Variants in GBP5 observed in about 807,000 individuals in gnomAD.
GBP5 encodes the protein guanylate-binding protein 5.
Under a neutral mutation model 58.2 loss-of-function variants are expected in GBP5, and 48 were observed. The observed-to-expected ratio is 0.83, with a 90% CI of 0.65 to 1.05. GBP5 has a LOEUF of 1.05. GBP5 is among the 50% of genes least tolerant of loss of function. The pLI, the probability that GBP5 is intolerant of heterozygous loss-of-function variation, is 0.00. For missense variants in GBP5, 714 were observed against 686.8 expected, an observed-to-expected ratio of 1.04 and a Z score of -0.44; for synonymous variants, 248 against 251.8, an observed-to-expected ratio of 0.98 and a Z score of 0.14.
At chr1:89,263,983 A>G (rs199841428) in intron 8 of GBP5, 35 bp from the exon 9 acceptor site, 128 of 1,205,890 alleles carry the variant, frequency 1.1e-4, no homozygotes, top group East Asian at 1.0e-3. Flanking sequence ...AAAAGATGTT[A>G]GCAATACTTC....
chr1:89,271,747 T>C (rs1650462040), intron 1 of GBP5: 1 of 152,170 alleles, frequency 6.6e-6, no homozygotes, highest in Non-Finnish European at 1.5e-5. Context: ...AAGGAGAGAA[T>C]TTCAACGAGT....
chr1:89,263,750 G>T lies in GBP5; in HGVS notation c.1348C>A (p.Arg450=). ...ELKAKYYREP[R]KGIQAEEVLQ... is the part of the protein sequence containing the mutation. Reference sequence around the variant, plus strand: ...ACTAGGGATACCTGTATTCCTTTCCGAGGCTCCCGATAGTACTTTGCCTTC... The same window carrying T: ...ACTAGGGATACCTGTATTCCTTTCCTAGGCTCCCGATAGTACTTTGCCTTC... Residue 450 remains arginine, a synonymous_variant, in exon 9 of 12, where the codon CGG becomes AGG. Transcript: ENST00000370459. 2 of 1,612,504 alleles carry T rather than the reference G, an allele frequency of 1.2e-6. No individual in the cohort carries two copies. The highest frequency in any genetic ancestry group is 1.7e-6 in the Non-Finnish European group (2 of 1,178,842).
Position 89,259,283 on chromosome 1 carries a change from T to C in GBP5, c.*1421A>G. 6.6e-6 allele frequency: 1 copy of C among 152,208 alleles called. No homozygotes were observed. The highest frequency in any genetic ancestry group is 1.9e-4 in the East Asian group (1 of 5,198). The allele number at this position is 152,208 out of a possible 1,614,324, so 9.4% of individuals were successfully genotyped here. ...GAGGGTGAACAGAAAAGAAAAGGCT[T>C]CTTCTTTAGCCCTTAAGCCTATGAC... On this transcript the variant is annotated 3_prime_UTR_variant, in exon 12 of 12. Transcript: ENST00000370459.
intron 1 of GBP5, chr1:89,271,567 T>G (rs149536435): frequency 2.6e-4 from 40 of 152,310 alleles, no homozygotes; most frequent in African/African-American, 9.1e-4. Flanking sequence ...TGATTCTAGT[T>G]TGGGTTTTGC....
At position 89,265,583 on chromosome 1, in the gene GBP5, C is replaced by T. The variant is rs189821951; in HGVS notation, c.869-617G>A. On this transcript the variant is annotated intron_variant, in intron 7 of 11. Coordinates refer to ENST00000370459, the MANE Select transcript of GBP5 (RefSeq NM_052942.5). ...CTCTACTAAAAATACAAAAAATTAG[C>T]CAGGTGTGGTGGCGGGTGCCTGTAG... Among the ~76,000 whole-genome samples the T allele has an allele frequency of 1.5e-4, 23 of 151,622 alleles. 1 individual carries two copies. In the East Asian group the frequency reaches 4.1e-3, roughly 27 times the overall value.
Position 89,269,433 on chromosome 1 carries a change from T to A in GBP5, c.123A>T (p.Val41=). Residue 41 remains valine, a synonymous_variant, in exon 3 of 12, where the codon GTA becomes GTT. Coordinates refer to ENST00000370459, the MANE Select transcript of GBP5 (RefSeq NM_052942.5). The part of the protein sequence containing the change: ...LSAITQPVVV[V]AIVGLYRTGK... Reference sequence around the variant, plus strand: ...CAGTGCGATAGAGGCCCACAATCGCTACCACAACTACAGGTTGCGTAATGG... The same window carrying A: ...CAGTGCGATAGAGGCCCACAATCGCAACCACAACTACAGGTTGCGTAATGG... The A allele has an allele frequency of 6.2e-7, 1 of 1,614,136 alleles. No homozygotes were observed. The highest frequency in any genetic ancestry group is 1.7e-5 in the Admixed American group (1 of 60,010).
At position 89,263,832 on chromosome 1, in the gene GBP5, C is replaced by G; in HGVS notation, c.1266G>C (p.Gln422His). The stretch of plus-strand genomic sequence containing the variant: ...GGCCTCCTGGCTTAGAATAAATTCC[C>G]TGCTTCACTGCTTCTTCTAGAGGAC... ...IFGPLEEAVK[Q>H]GIYSKPGGHN... is the part of the protein sequence containing the mutation. Residue 422 changes from glutamine to histidine, a missense_variant, in exon 9 of 12, where the codon CAG becomes CAC. By Grantham distance (24) the Gln-to-His change is conservative. Coordinates refer to ENST00000370459, the MANE Select transcript of GBP5 (RefSeq NM_052942.5). 6.2e-7 allele frequency: 1 copy of G among 1,613,136 alleles called. No individual in the cohort carries two copies. The highest frequency in any genetic ancestry group is 8.5e-7 in the Non-Finnish European group (1 of 1,179,448).
rs1270500424 is a variant in GBP5, at chr1:89,264,924, C to T, written c.911G>A (p.Ser304Asn). The T allele has an allele frequency of 6.2e-7, 1 of 1,614,246 alleles. No individual in the cohort carries two copies. Among genetic ancestry groups the T allele is most frequent in the South Asian group, 1.1e-5 (1 of 91,090 alleles). The change falls in exon 8 of 12, where the codon AGT (serine) becomes AAT (asparagine). Residue 304 changes from serine (S) to asparagine (N), a missense_variant. Transcript: ENST00000370459. ...ATTCTCTATGCAAGGCAGATCCCCA[C>T]TGCTGATGGCATTGACATAGGTCAG... is the stretch of plus-strand genomic sequence containing the variant. ...LVLTYVNAISSGDLPCIENAV... is the reference protein window; with the variant it reads ...LVLTYVNAISNGDLPCIENAV...
At position 89,259,647 on chromosome 1, in the gene GBP5, C is replaced by T. The variant is rs1373879147; in HGVS notation, c.*1057G>A. ...TAACAAGCCCCCTCCCCTAGCTGCC[C>T]TGCAGCTTATTTTTCGTCCAAAAGG... On this transcript the variant is annotated 3_prime_UTR_variant, in exon 12 of 12. Transcript: ENST00000370459. 6.6e-6 allele frequency: 1 copy of T among 152,022 alleles called. No homozygotes were observed. Among genetic ancestry groups the T allele is most frequent in the Non-Finnish European group, 1.5e-5 (1 of 68,070 alleles). The allele number at this position is 152,022 out of a possible 1,614,324, so 9.4% of individuals were successfully genotyped here.
rs1463198595 is a variant in GBP5 at position 89,262,697 on chromosome 1, T to C, written c.1451A>G (p.Glu484Gly). ...LQTDQALTETEKKKKEAQVKA... is the reference protein window; with the variant it reads ...LQTDQALTETGKKKKEAQVKA... ...TTTCTTCTCACCTTTCTTCTTTTTT[T>C]CCGTCTCTGTGAGAGCCTGGTCAGT... The change falls in exon 10 of 12, where the codon GAA becomes GGA. Residue 484 changes from glutamate (E) to glycine (G), a missense_variant. Physicochemically the swap from Glu to Gly is moderately conservative, Grantham distance 98. Coordinates refer to ENST00000370459, the MANE Select transcript of GBP5 (RefSeq NM_052942.5). 1.2e-6 allele frequency: 2 copies of C among 1,601,498 alleles called. No homozygotes were observed. Among genetic ancestry groups the C allele is most frequent in the South Asian group, 1.1e-5 (1 of 90,748 alleles).
intron 2 of GBP5, chr1:89,269,945 G>C (rs1034416220): frequency 6.4e-6 from 1 of 155,050 alleles, no homozygotes; most frequent in African/African-American, 2.4e-5. Flanking sequence ...AATTCTTTAT[G>C]ATGTTCTTTA....
chr1:89,260,725 A>G lies in GBP5; in HGVS notation c.1740T>C (p.Asp580=). The G allele has an allele frequency of 6.2e-7, 1 of 1,613,114 alleles. No homozygotes were observed. Among genetic ancestry groups the G allele is most frequent in the Non-Finnish European group, 8.5e-7 (1 of 1,179,062 alleles). ...LQHAQRTVNN[D]DPCVLL ...CACTTTAGAGTAAAACACATGGATC[A>G]TCGTTATTAACAGTCCTCTGGGCGT... Residue 580 remains aspartate (D), a synonymous_variant, in exon 12 of 12, where the codon GAT becomes GAC. Transcript: ENST00000370459.
chr1:89,266,349 A>C lies in GBP5; in HGVS notation c.865T>G (p.Ser289Ala), dbSNP rs748992424. The C allele has an allele frequency of 2.5e-6, 4 of 1,612,106 alleles. No individual in the cohort carries two copies. The East Asian group carries it at 6.7e-5, about 27-fold the overall frequency. Residue 289 changes from serine to alanine, a missense_variant, in exon 7 of 12, where the codon TCT (serine) becomes GCT (alanine). Transcript: ENST00000370459. ...TLPGGIMVNGSRLKNLVLTYV... is the reference protein window; with the variant it reads ...TLPGGIMVNGARLKNLVLTYV... The stretch of plus-strand genomic sequence containing the variant: ...AAATCCTAAAAATAATACTCACGAG[A>C]TCCATTGACCATGATGCCACCTGGA...
At chr1:89,263,028 GGTCA>G (rs1201579654) in intron 9 of GBP5, 13 of 353,822 alleles carry the variant, frequency 3.7e-5, no homozygotes, top group Non-Finnish European at 6.6e-5. Context: ...ATGACTCCAT[GGTCA>G]GTCAGAGCAT....
chr1:89,256,300 A>G lies in GBP5; in HGVS notation c.*4404T>C, dbSNP rs984235067. Reference sequence around the variant, plus strand: ...AAAACAGGCCAAACAAAATTACATTACTTAGGAGCTCACATGTTTATAATA... The same window carrying G: ...AAAACAGGCCAAACAAAATTACATTGCTTAGGAGCTCACATGTTTATAATA... On this transcript the variant is annotated 3_prime_UTR_variant, in exon 12 of 12. Coordinates refer to ENST00000370459, the MANE Select transcript of GBP5 (RefSeq NM_052942.5). Among the ~76,000 whole-genome samples, 9 of 152,214 alleles carry G rather than the reference A, an allele frequency of 5.9e-5. No homozygotes were observed. The highest frequency in any genetic ancestry group is 1.3e-4 in the Non-Finnish European group (9 of 68,036).
At position 89,268,728 on chromosome 1, in the gene GBP5, C is replaced by A. The variant is rs1410991419; in HGVS notation, c.318+1G>T. On this transcript the variant is annotated splice_donor_variant, in intron 4 of 11. Transcript: ENST00000370459. LOFTEE classifies it high-confidence loss of function. ...GGTTAAAAAAAGGAATCCTTCCTTACCTTCTCTACATCTCCCAGGCCCTCG... is the reference window on the plus strand; with the variant it reads ...GGTTAAAAAAAGGAATCCTTCCTTAACTTCTCTACATCTCCCAGGCCCTCG... The A allele has an allele frequency of 6.2e-7, 1 of 1,613,776 alleles. No individual in the cohort carries two copies. The highest frequency in any genetic ancestry group is 8.5e-7 in the Non-Finnish European group (1 of 1,179,882).
At chr1:89,269,119 T>A (rs1650339445) in intron 3 of GBP5, among the ~76,000 whole-genome samples, 1 of 151,924 alleles carries the variant, frequency 6.6e-6, no homozygotes, top group Admixed American at 6.6e-5. Context: ...GATGTCTTAC[T>A]CCTTACAAGG....
At chr1:89,266,029 AC>A (rs1240494206) in intron 7 of GBP5, among the ~76,000 whole-genome samples, 17 of 152,352 alleles carry the variant, frequency 1.1e-4, no homozygotes, top group African/African-American at 4.1e-4. Context: ...CCTATCAAAT[AC>A]TGTGACACAT....
At chr1:89,270,133 GT>G (rs1298885676) in intron 2 of GBP5, 1 of 152,092 alleles carries the variant, frequency 6.6e-6, no homozygotes, top group Non-Finnish European at 1.5e-5. Flanking sequence ...AGTTACTAAT[GT>G]GCTTTATTAA....
Sources: allele counts gnomAD v4.1 joint callset (sites outside exome capture counted in the v4.1 genomes callset), GRCh38; gene constraint gnomAD v4.1.1; transcripts MANE v1.5; gene names NCBI Gene and HGNC (gene_info 2026-07-23, HGNC 2026-07-21).